Variants in ADCY4 observed in about 807,000 individuals in gnomAD.
ADCY4 encodes adenylate cyclase type 4.
Under a neutral mutation model 125.5 loss-of-function variants are expected in ADCY4, and 111 were observed. The ratio of observed to expected loss-of-function variants is 0.88; its 90% CI spans 0.76 to 1.04. The LOEUF is 1.04. Among genes scored for constraint, ADCY4 ranks in the 50% least tolerant of loss-of-function variants. ADCY4 has a pLI of 0.00. For synonymous variants in ADCY4, 576 were observed against 586.9 expected (o/e 0.98, Z 0.27); for missense variants, 1,256 against 1,382.9 (o/e 0.91, Z 1.46).
At chr14:24,325,979 T>C in intron 12 of ADCY4, 92 bp from the exon 13 acceptor site, 5 of 1,584,868 alleles carry the variant, frequency 3.2e-6, no homozygotes, top group Non-Finnish European at 4.3e-6. Context: ...GAGGGGGTGG[T>C]CAGGCGAGTC....
rs1243048335 is a variant in ADCY4 at position 24,325,838 on chromosome 14, C to T, written c.1705G>A (p.Glu569Lys). Residue 569 changes from glutamate (E) to lysine (K), a missense_variant, in exon 13 of 25, where the codon GAG (glutamate) becomes AAG (lysine). Coordinates refer to ENST00000418030, the MANE Select transcript of ADCY4 (RefSeq NM_001198568.2). ...DFNPLTLYFR[E>K]KEMEKEYRLS... is the part of the protein sequence containing the mutation. ...CCCACCTCTTTCTCCATCTCCTTCT[C>T]TCTGAAGTACAGTGTCAGTGGGTTG... The T allele has an allele frequency of 1.3e-6, 2 of 1,598,132 alleles. No homozygotes were observed. The highest frequency in any genetic ancestry group is 4.5e-5 in the East Asian group (2 of 44,718).
Position 24,325,418 on chromosome 14 carries a change from A to T in ADCY4, c.1782T>A (p.Val594=), listed in dbSNP as rs890943228. ...FKYYEACTFL[V]FLSNFIIQML... ...TCTGGATGATGAAGTTGGAGAGAAA[A>T]ACCAGGAAGGTGCAGGCTTCATAGT... Residue 594 remains valine, a synonymous_variant, in exon 14 of 25, where the codon GTT becomes GTA. Transcript: ENST00000418030. The T allele has an allele frequency of 6.2e-7, 1 of 1,613,588 alleles. No homozygotes were observed. The highest frequency in any genetic ancestry group is 8.5e-7 in the Non-Finnish European group (1 of 1,179,972).
chr14:24,331,970 G>C, intron 3 of ADCY4, 33 bp from the exon 4 acceptor site: 2 of 1,513,548 alleles, frequency 1.3e-6, no homozygotes, highest in South Asian at 1.2e-5. Flanking sequence ...GAGGGCGCGG[G>C]ACCCGGGTGC....
In ADCY4 at chr14:24,326,128, T is replaced by C. The variant is rs757204496; in HGVS notation, c.1606A>G (p.Thr536Ala). 3.8e-6 allele frequency: 6 copies of C among 1,591,002 alleles called. No individual in the cohort carries two copies. The highest frequency in any genetic ancestry group is 5.1e-6 in the Non-Finnish European group (6 of 1,166,168). Reference sequence around the variant, plus strand: ...ACCTGGAAGAACTTGGCATCCCCGGTGTCCAGTTCATCATCTAGTCCCCGG... The same window carrying C: ...ACCTGGAAGAACTTGGCATCCCCGGCGTCCAGTTCATCATCTAGTCCCCGG... ...TPRGLDDELD[T>A]GDAKFFQVIE... Residue 536 changes from threonine (T) to alanine (A), a missense_variant, in exon 12 of 25, where the codon ACC becomes GCC. Thr to Ala is a moderately conservative substitution (Grantham distance 58). Coordinates refer to ENST00000418030, the MANE Select transcript of ADCY4 (RefSeq NM_001198568.2).
rs565999708 is a variant in ADCY4, at chr14:24,332,780, G to T, written c.357+11C>A. The T allele has an allele frequency of 3.2e-6, 5 of 1,540,350 alleles. No individual in the cohort carries two copies. The highest frequency in any genetic ancestry group is 4.4e-6 in the Non-Finnish European group (5 of 1,138,604). On this transcript the variant is annotated intron_variant, in intron 2 of 24. Coordinates refer to ENST00000418030, the MANE Select transcript of ADCY4 (RefSeq NM_001198568.2). ...GGCCGTCCCCGCTGCCCCGCCTGCCGCCCCTCTCACCTGGTCCCAGGCGCT... is the reference window on the plus strand; with the variant it reads ...GGCCGTCCCCGCTGCCCCGCCTGCCTCCCCTCTCACCTGGTCCCAGGCGCT...
At chr14:24,324,770 CT>C (rs1356940240) in intron 14 of ADCY4, among the ~76,000 whole-genome samples, 48 of 151,276 alleles carry the variant, frequency 3.2e-4, no homozygotes, top group Non-Finnish European at 1.8e-4. Flanking sequence ...GTGGTGTGAT[CT>C]TGGCTCACTG....
intron 10 of ADCY4, among the ~76,000 whole-genome samples, chr14:24,327,908 A>G (rs1195181818): frequency 1.3e-5 from 2 of 152,224 alleles, no homozygotes; most frequent in Non-Finnish European, 2.9e-5. Context: ...GATCTTAGAT[A>G]TGATTATATA....
intron 2 of ADCY4, 44 bp from the exon 3 acceptor site, chr14:24,332,727 T>G: frequency 6.4e-7 from 1 of 1,557,056 alleles, no homozygotes; most frequent in Non-Finnish European, 8.7e-7. Context: ...GTGGGGCTAT[T>G]CAAGGCCTGG....
In ADCY4 at chr14:24,328,684, C is replaced by T. The variant is rs942248707; in HGVS notation, c.1524+377G>A. 1.5e-4 allele frequency: 33 copies of T among 223,272 alleles called. No individual in the cohort carries two copies. The East Asian group carries it at 2.8e-3, about 19-fold the overall frequency. 13.8% of individuals were successfully genotyped at this position (223,272 alleles called of 1,614,324 possible). A position where few individuals can be genotyped will look rare whatever the true frequency, so the allele number is the denominator to read the frequency against. ...GACATTCGGGGCCACTACCGGTCTC[C>T]GCGCATTGGTGGTAGTGGTCCCCCG... On this transcript the variant is annotated intron_variant, in intron 10 of 24. Coordinates refer to ENST00000418030, the MANE Select transcript of ADCY4 (RefSeq NM_001198568.2).
chr14:24,325,857 T>A lies in ADCY4; in HGVS notation c.1686A>T (p.Pro562=). The A allele has an allele frequency of 6.3e-7, 1 of 1,597,050 alleles. No homozygotes were observed. The highest frequency in any genetic ancestry group is 8.5e-7 in the Non-Finnish European group (1 of 1,169,916). Residue 562 remains proline (P), a synonymous_variant, in exon 13 of 25, where the codon CCA becomes CCT. Transcript: ENST00000418030. The part of the protein sequence containing the change: ...KQWKQSKDFN[P]LTLYFREKEM... The stretch of plus-strand genomic sequence containing the variant: ...CCTTCTCTCTGAAGTACAGTGTCAG[T>A]GGGTTGAAGTCCTTCGACTGCTTCC...
At chr14:24,323,914 C>T in intron 16 of ADCY4, 148 bp downstream of exon 16, 1 of 1,168,574 alleles carries the variant, frequency 8.6e-7, no homozygotes, top group Non-Finnish European at 1.2e-6. Context: ...TTGCTGGAGA[C>T]TGTAATTTTT....
rs762106888 is a variant in ADCY4 at position 24,324,396 on chromosome 14, A to C, written c.1824-5T>G. The C allele has an allele frequency of 6.2e-7, 1 of 1,611,822 alleles. No individual in the cohort carries two copies. The highest frequency in any genetic ancestry group is 8.5e-7 in the Non-Finnish European group (1 of 1,177,836). On this transcript the variant is annotated splice_region_variant and splice_polypyrimidine_tract_variant and intron_variant, in intron 14 of 24. Coordinates refer to ENST00000418030, the MANE Select transcript of ADCY4 (RefSeq NM_001198568.2). ...GTGATGGCCAGAGCTGGGGGCCTGA[A>C]GGGAGACAAAAGCGAGGCCTTGAAG...
intron 8 of ADCY4, 125 bp downstream of exon 8, chr14:24,329,735 C>G (rs2042010393): frequency 6.9e-7 from 1 of 1,451,490 alleles, no homozygotes; most frequent in African/African-American, 1.4e-5. Flanking sequence ...ATCTCCCAAG[C>G]CCCATATGGG....
Position 24,334,945 on chromosome 14 carries a change from T to A in ADCY4, c.-293A>T. On this transcript the variant is annotated 5_prime_UTR_variant, in exon 1 of 25. Transcript: ENST00000418030. ...CCAGGAGGGCAGGATTTGGGGTTGG[T>A]GCGAGGGAGCCCCGGGTTCCCCTGA... 3.2e-6 allele frequency: 1 copy of A among 312,078 alleles called. No individual in the cohort carries two copies. Among genetic ancestry groups the A allele is most frequent in the Non-Finnish European group, 5.9e-6 (1 of 169,596 alleles). The allele number at this position is 312,078 out of a possible 1,614,324, so 19.3% of individuals were successfully genotyped here. A position where few individuals can be genotyped will look rare whatever the true frequency, so the allele number is the denominator to read the frequency against.
intron 14 of ADCY4, 88 bp downstream of exon 14, chr14:24,325,289 G>A: frequency 9.0e-7 from 1 of 1,105,376 alleles, no homozygotes; most frequent in South Asian, 1.3e-5. Flanking sequence ...AGGGGAAGGG[G>A]TGAAGGAAGA....
At chr14:24,331,501 C>T in intron 4 of ADCY4, 145 bp from the exon 5 acceptor site, 3 of 1,106,038 alleles carry the variant, frequency 2.7e-6, no homozygotes, top group Non-Finnish European at 3.8e-6. Context: ...CACAGCAGGG[C>T]CCCAGCACTC....
At chr14:24,331,717 G>A in intron 4 of ADCY4, 71 bp downstream of exon 4, 1 of 1,439,308 alleles carries the variant, frequency 6.9e-7, no homozygotes, top group Non-Finnish European at 9.1e-7. Flanking sequence ...AACTTGTGGA[G>A]GAGCCCCGTT....
chr14:24,321,785 C>A, intron 20 of ADCY4: 1 of 1,135,534 alleles, frequency 8.8e-7, no homozygotes, highest in Non-Finnish European at 1.1e-6. Context: ...GGGCTGGGGA[C>A]CCCTGCTCCA....
intron 23 of ADCY4, 148 bp from the exon 24 acceptor site, chr14:24,318,926 G>C: frequency 3.6e-6 from 5 of 1,406,976 alleles, no homozygotes; most frequent in Admixed American, 2.0e-5. Context: ...TTAAGAAAAA[G>C]AGTGGGAGAG....
Sources: allele counts gnomAD v4.1 joint callset (sites outside exome capture counted in the v4.1 genomes callset), GRCh38; gene constraint gnomAD v4.1.1; transcripts MANE v1.5; gene names NCBI Gene and HGNC (gene_info 2026-07-23, HGNC 2026-07-21).